RSBN1: variants seen among roughly 807,000 people sequenced by gnomAD.
RSBN1 encodes round spermatid basic protein 1, also known as lysine-specific demethylase 9.
RSBN1 carries 23 observed loss-of-function variants against 74.8 expected under a neutral mutation model. The observed-to-expected ratio is 0.31, with a 90% CI of 0.22 to 0.44. The LOEUF (loss-of-function observed/expected upper bound fraction) is 0.44. RSBN1 is among the 20% of genes least tolerant of loss of function. RSBN1 has a pLI of 1.00. For synonymous variants in RSBN1, 407 were observed against 379.6 expected, an observed-to-expected ratio of 1.07 and a Z score of -0.84; for missense variants, 808 against 1,020.9, an observed-to-expected ratio of 0.79 and a Z score of 2.84.
At chr1:113,782,793 T>C (rs1227508006) in intron 2 of RSBN1, among the ~76,000 whole-genome samples, 1 of 152,242 alleles carries the variant, frequency 6.6e-6, no homozygotes, top group Non-Finnish European at 1.5e-5. Flanking sequence ...TTTTTCCATA[T>C]CCTCACCAGC....
intron 2 of RSBN1, among the ~76,000 whole-genome samples, chr1:113,796,465 TGA>T (rs1206457572): frequency 7.3e-4 from 111 of 152,212 alleles, no homozygotes; most frequent in African/African-American, 2.5e-3. Flanking sequence ...TTCAGGCAGC[TGA>T]GAGTCTTATT....
chr1:113,786,273 C>A (rs1440692554), intron 2 of RSBN1, among the ~76,000 whole-genome samples: 16 of 152,200 alleles, frequency 1.1e-4, no homozygotes, highest in Admixed American at 1.0e-3. Context: ...TCAGGTTTCA[C>A]TGTTTTGGAC....
chr1:113,812,404 G>A lies in RSBN1; in HGVS notation c.9C>T (p.Ile3=). 3 of 1,597,716 alleles carry A rather than the reference G, an allele frequency of 1.9e-6. No homozygotes were observed. Among genetic ancestry groups the A allele is most frequent in the Non-Finnish European group, 2.5e-6 (3 of 1,177,750 alleles). MF[I]SGRRTADKWR... ...ACTTGTCGGCCGTTCTTCGTCCAGA[G>A]ATGAACATGCCGGAAGCGGCCGTTC... Residue 3 remains isoleucine (I), a synonymous_variant, in exon 1 of 7, where the codon ATC becomes ATT. Transcript: ENST00000261441.
Position 113,797,948 on chromosome 1 carries a change from T to C in RSBN1, c.792A>G (p.Glu264=). Residue 264 remains glutamate, a synonymous_variant, in exon 2 of 7, where the codon GAA becomes GAG. Transcript: ENST00000261441. ...TTTTAAGGCGTCTTCCTCGCATGTC[T>C]TCTCGGTGTTTCTTTTTCTTTTTCT... ...IKKKKKKKHR[E]DMRGRRLKMY... The C allele has an allele frequency of 1.2e-6, 2 of 1,613,814 alleles. No individual in the cohort carries two copies. The highest frequency in any genetic ancestry group is 1.3e-5 in the African/African-American group (1 of 74,978).
rs1345030793 is a variant in RSBN1 at position 113,762,185 on chromosome 1, A to T, written c.*3795T>A. ...TCAAAATGGAGTTTACTCACAGAAA[A>T]CACTATTACATGAAAATTTACAACA... On this transcript the variant is annotated 3_prime_UTR_variant, in exon 7 of 7. Coordinates refer to ENST00000261441, the MANE Select transcript of RSBN1 (RefSeq NM_018364.5). 6.5e-6 allele frequency: 1 copy of T among 152,800 alleles called. No individual in the cohort carries two copies. Among genetic ancestry groups the T allele is most frequent in the African/African-American group, 2.4e-5 (1 of 41,468 alleles). The allele number at this position is 152,800 out of a possible 1,614,324, so 9.5% of individuals were successfully genotyped here. A position where few individuals can be genotyped will look rare whatever the true frequency, so the allele number is the denominator to read the frequency against.
rs929214389 is a variant in RSBN1, at chr1:113,762,622, T to A, written c.*3358A>T. 2 of 152,782 alleles carry A rather than the reference T, an allele frequency of 1.3e-5. No individual in the cohort carries two copies. Among genetic ancestry groups the A allele is most frequent in the African/African-American group, 4.8e-5 (2 of 41,468 alleles). The allele number at this position is 152,782 out of a possible 1,614,324, so 9.5% of individuals were successfully genotyped here. ...ATAAATTTTTTATGGCAAATACAGA[T>A]GAAAATATAATGGGCTAATTTATTA... is the stretch of plus-strand genomic sequence containing the variant. On this transcript the variant is annotated 3_prime_UTR_variant, in exon 7 of 7. Coordinates refer to ENST00000261441, the MANE Select transcript of RSBN1 (RefSeq NM_018364.5).
chr1:113,799,489 G>A (rs1310878087), intron 1 of RSBN1, among the ~76,000 whole-genome samples: 1 of 151,316 alleles, frequency 6.6e-6, no homozygotes, highest in Non-Finnish European at 1.5e-5. Flanking sequence ...GCATGTAAAG[G>A]TCTAGGAGAA....
intron 4 of RSBN1, among the ~76,000 whole-genome samples, chr1:113,773,295 T>A (rs1002163221): frequency 6.6e-6 from 1 of 151,816 alleles, no homozygotes; most frequent in African/African-American, 2.4e-5. Flanking sequence ...CAGGCCGAAG[T>A]GGCTAGATCC....
intron 2 of RSBN1, among the ~76,000 whole-genome samples, chr1:113,793,335 T>G (rs1230567441): frequency 6.6e-6 from 1 of 152,238 alleles, no homozygotes; most frequent in East Asian, 1.9e-4. Context: ...GCACTAATCT[T>G]GATCATGTCT....
chr1:113,804,579 G>C (rs183520397), intron 1 of RSBN1, among the ~76,000 whole-genome samples: 237 of 152,262 alleles, frequency 1.6e-3, no homozygotes, highest in Non-Finnish European at 2.8e-3. Flanking sequence ...TACAATTAAT[G>C]GACCTGAGGT....
chr1:113,803,433 T>G (rs531329085), intron 1 of RSBN1, among the ~76,000 whole-genome samples: 9 of 152,328 alleles, frequency 5.9e-5, no homozygotes, highest in African/African-American at 1.9e-4. Context: ...TCTTCCAAAG[T>G]GGCTGTATCA....
chr1:113,774,001 C>CA, intron 4 of RSBN1, among the ~76,000 whole-genome samples: 1 of 151,904 alleles, frequency 6.6e-6, no homozygotes, highest in South Asian at 2.1e-4. Context: ...GACTCCATCT[C>CA]AAAAAATATT....
chr1:113,763,732 GGTAGAA>G lies in RSBN1; in HGVS notation c.*2242_*2247del, dbSNP rs1318654086. The G allele has an allele frequency of 2.0e-5, 3 of 147,148 alleles. No individual in the cohort carries two copies. The highest frequency in any genetic ancestry group is 7.4e-5 in the African/African-American group (3 of 40,592). The allele number at this position is 147,148 out of a possible 1,614,324, so 9.1% of individuals were successfully genotyped here. ...TTAATGTGTTTATATTGGAGGTGAG[GGTAGAA>G]TGTTTTATAAAAGGAAAATGGGGAT... On this transcript the variant is annotated 3_prime_UTR_variant, in exon 7 of 7. Coordinates refer to ENST00000261441, the MANE Select transcript of RSBN1 (RefSeq NM_018364.5).
intron 1 of RSBN1, among the ~76,000 whole-genome samples, chr1:113,804,824 T>C (rs1002726798): frequency 6.6e-6 from 1 of 151,960 alleles, no homozygotes; most frequent in African/African-American, 2.4e-5. Flanking sequence ...TCCCTGCTTT[T>C]TGACATGAGA....
chr1:113,792,271 G>T (rs1392204751), intron 2 of RSBN1, among the ~76,000 whole-genome samples: 1 of 152,156 alleles, frequency 6.6e-6, no homozygotes, highest in African/African-American at 2.4e-5. Context: ...GATCTCAGAG[G>T]TGATATTGAA....
At position 113,764,127 on chromosome 1, in the gene RSBN1, A is replaced by G. The variant is rs1481235804; in HGVS notation, c.*1853T>C. The G allele has an allele frequency of 6.6e-6, 1 of 152,638 alleles. No homozygotes were observed. The highest frequency in any genetic ancestry group is 2.4e-5 in the African/African-American group (1 of 41,444). The allele number at this position is 152,638 out of a possible 1,614,324, so 9.5% of individuals were successfully genotyped here. ...CCCCTCCCCAACAAAATAACAAAAAACACCCTCAAAGGCAGGTCCCGTTAA... is the reference window on the plus strand; with the variant it reads ...CCCCTCCCCAACAAAATAACAAAAAGCACCCTCAAAGGCAGGTCCCGTTAA... On this transcript the variant is annotated 3_prime_UTR_variant, in exon 7 of 7. Coordinates refer to ENST00000261441, the MANE Select transcript of RSBN1 (RefSeq NM_018364.5).
intron 4 of RSBN1, among the ~76,000 whole-genome samples, chr1:113,771,949 C>T (rs1659893272): frequency 6.6e-6 from 1 of 150,746 alleles, no homozygotes; most frequent in Non-Finnish European, 1.5e-5. Flanking sequence ...AGTTATGGTA[C>T]CAAATATAAA....
At chr1:113,767,694 CA>C (rs757462041) in intron 5 of RSBN1, among the ~76,000 whole-genome samples, 62 of 152,276 alleles carry the variant, frequency 4.1e-4, no homozygotes, top group South Asian at 1.4e-3. Flanking sequence ...CAGCATTATT[CA>C]CAAAAGCCAA....
intron 1 of RSBN1, among the ~76,000 whole-genome samples, chr1:113,801,143 G>A (rs779725042): frequency 5.9e-5 from 9 of 151,770 alleles, no homozygotes; most frequent in Non-Finnish European, 1.2e-4. Flanking sequence ...CACCACACCC[G>A]GCTAATTTTT....
Sources: gnomAD v4.1 joint callset for allele counts (sites outside exome capture counted in the v4.1 genomes callset) on GRCh38, gnomAD v4.1.1 for gene constraint, MANE v1.5 for transcripts, NCBI Gene and HGNC (gene_info 2026-07-23, HGNC 2026-07-21) for gene names.